The following ZNF280D variants were observed in gnomAD, a reference collection of about 807,000 sequenced individuals.
The protein encoded by ZNF280D is zinc finger protein 280D.
A neutral mutation model predicts 94.7 loss-of-function variants in ZNF280D; 39 were observed. The observed-to-expected ratio is 0.41, with a 90% CI of 0.32 to 0.54. The LOEUF (loss-of-function observed/expected upper bound fraction) is 0.54. ZNF280D is among the 20% of genes least tolerant of loss of function. The pLI, the probability that ZNF280D is intolerant of heterozygous loss-of-function variation, is 0.22. For synonymous variants in ZNF280D, 398 were observed against 377.6 expected, an observed-to-expected ratio of 1.05 and a Z score of -0.63; for missense variants, 1,090 against 1,149.3, an observed-to-expected ratio of 0.95 and a Z score of 0.75.
At chr15:56,712,594 CAAA>C (rs1171267893) in intron 1 of ZNF280D, among the ~76,000 whole-genome samples, 2 of 76,996 alleles carry the variant, frequency 2.6e-5, no homozygotes, top group African/African-American at 1.1e-4. Context: ...ACCCTCATAC[CAAA>C]AAAAAAAAAA....
At chr15:56,700,833 C>T in intron 6 of ZNF280D, 100 bp downstream of exon 6, 1 of 1,598,566 alleles carries the variant, frequency 6.3e-7, no homozygotes, top group South Asian at 1.1e-5. Context: ...TACTGGATGA[C>T]TACTTATGAC....
chr15:56,712,267 G>C (rs1263425894), intron 1 of ZNF280D, among the ~76,000 whole-genome samples: 2 of 151,902 alleles, frequency 1.3e-5, no homozygotes, highest in Non-Finnish European at 2.9e-5. Flanking sequence ...TAATCTAATA[G>C]AATAAGTATC....
At chr15:56,702,959 A>G (rs1049077860) in intron 4 of ZNF280D, among the ~76,000 whole-genome samples, 3 of 138,086 alleles carry the variant, frequency 2.2e-5, no homozygotes, top group African/African-American at 8.0e-5. Flanking sequence ...ACACACACAC[A>G]CGCTGGTAAA....
intron 1 of ZNF280D, among the ~76,000 whole-genome samples, chr15:56,715,914 A>AT (rs1478619198): frequency 5.9e-5 from 9 of 152,188 alleles, no homozygotes; most frequent in Non-Finnish European, 1.0e-4. Flanking sequence ...CAAAAGAATG[A>AT]TAAAAAATGC....
At chr15:56,733,429 A>T (rs1301290056) in intron 1 of ZNF280D, 29 bp downstream of exon 1, 3 of 1,047,706 alleles carry the variant, frequency 2.9e-6, no homozygotes, top group East Asian at 1.1e-4. Flanking sequence ...GCTGCAGCGC[A>T]GGGCGGGCGG....
At chr15:56,693,301 T>C (rs577936464) in intron 6 of ZNF280D, 86 bp from the exon 7 acceptor site, 4 of 352,002 alleles carry the variant, frequency 1.1e-5, no homozygotes, top group Non-Finnish European at 1.8e-5. Flanking sequence ...TAATTTTATA[T>C]AATTATATAA....
At chr15:56,726,750 T>A (rs1328756132) in intron 1 of ZNF280D, among the ~76,000 whole-genome samples, 2 of 152,232 alleles carry the variant, frequency 1.3e-5, no homozygotes, top group Non-Finnish European at 2.9e-5. Context: ...TTTGCAAAAA[T>A]ATTGCATCAA....
chr15:56,681,869 G>A (rs1435472979), intron 10 of ZNF280D, among the ~76,000 whole-genome samples: 1 of 151,942 alleles, frequency 6.6e-6, no homozygotes. Context: ...TTACATAGAG[G>A]AGCTCAACCT....
intron 3 of ZNF280D, among the ~76,000 whole-genome samples, chr15:56,705,151 A>C (rs910247440): frequency 2.0e-5 from 3 of 152,218 alleles, no homozygotes; most frequent in Non-Finnish European, 2.9e-5. Context: ...ATCTACCAAA[A>C]AAAAGGCCTT....
intron 11 of ZNF280D, 130 bp downstream of exon 11, chr15:56,678,534 T>C (rs2055398963): frequency 1.3e-6 from 1 of 792,144 alleles, no homozygotes; most frequent in African/African-American, 1.8e-5. Context: ...AACTTGGCCT[T>C]TCAATTTTGC....
intron 1 of ZNF280D, among the ~76,000 whole-genome samples, chr15:56,716,665 T>A (rs1455118625): frequency 6.6e-6 from 1 of 152,136 alleles, no homozygotes; most frequent in Non-Finnish European, 1.5e-5. Context: ...GGGACTGATG[T>A]CAGATTTGTG....
At chr15:56,645,490 G>C (rs1418769450) in intron 19 of ZNF280D, among the ~76,000 whole-genome samples, 1 of 152,090 alleles carries the variant, frequency 6.6e-6, no homozygotes, top group African/African-American at 2.4e-5. Flanking sequence ...TCCCTCTAAA[G>C]ACTAAAATGA....
At chr15:56,704,749 G>C (rs2057299254) in intron 3 of ZNF280D, among the ~76,000 whole-genome samples, 1 of 152,166 alleles carries the variant, frequency 6.6e-6, no homozygotes, top group African/African-American at 2.4e-5. Context: ...GGGAAGCCGA[G>C]ACAGACAGAT....
At chr15:56,668,788 T>C (rs1220313978) in intron 14 of ZNF280D, 35 bp downstream of exon 14, 28 of 1,524,108 alleles carry the variant, frequency 1.8e-5, no homozygotes, top group Non-Finnish European at 2.2e-5. Flanking sequence ...TCTATTATCA[T>C]ACAAAATGTT....
intron 6 of ZNF280D, chr15:56,699,944 T>C (rs531289265): frequency 1.3e-5 from 2 of 153,580 alleles, no homozygotes; most frequent in Admixed American, 1.3e-4. Flanking sequence ...AAACTACAAG[T>C]ACACTTTGGT....
chr15:56,687,592 G>T (rs889795520), intron 9 of ZNF280D, among the ~76,000 whole-genome samples: 1 of 152,074 alleles, frequency 6.6e-6, no homozygotes, highest in African/African-American at 2.4e-5. Flanking sequence ...ATCTTTGCAG[G>T]CTTTTTAATT....
intron 12 of ZNF280D, 124 bp from the exon 13 acceptor site, chr15:56,676,940 T>C (rs1596465650): frequency 1.5e-6 from 1 of 688,698 alleles, no homozygotes; most frequent in Non-Finnish European, 2.3e-6. Context: ...TCTGATGCCT[T>C]TGCAACCAAG....
intron 13 of ZNF280D, among the ~76,000 whole-genome samples, chr15:56,671,589 T>G (rs1008925110): frequency 1.3e-5 from 2 of 152,184 alleles, no homozygotes; most frequent in Admixed American, 1.3e-4. Context: ...CCCTGTAGTA[T>G]AGTTTGAAAT....
At chr15:56,716,212 A>G (rs1251144569) in intron 1 of ZNF280D, among the ~76,000 whole-genome samples, 1 of 152,186 alleles carries the variant, frequency 6.6e-6, no homozygotes, top group Non-Finnish European at 1.5e-5. Flanking sequence ...TACTGCACTC[A>G]TGAAACTTGT....
Sources: gnomAD v4.1 joint callset for allele counts (sites outside exome capture counted in the v4.1 genomes callset) on GRCh38, gnomAD v4.1.1 for gene constraint, MANE v1.5 for transcripts, NCBI Gene and HGNC (gene_info 2026-07-23, HGNC 2026-07-21) for gene names.